The following XKR6 variants were observed in gnomAD, a reference collection of about 807,000 sequenced individuals.
XKR6 encodes the protein XK-related protein 6.
Under a neutral mutation model 56.7 loss-of-function variants are expected in XKR6, and 22 were observed. That is an observed-to-expected ratio of 0.39 (90% CI 0.28 to 0.55). The LOEUF (loss-of-function observed/expected upper bound fraction) is 0.55. Ranked by LOEUF, XKR6 falls within the 20% of genes least tolerant of loss-of-function variation. The pLI, the probability that XKR6 is intolerant of heterozygous loss-of-function variation, is 0.66. For missense variants in XKR6, 852 were observed against 889.0 expected, an observed-to-expected ratio of 0.96 and a Z score of 0.53; for synonymous variants, 524 against 387.8, an observed-to-expected ratio of 1.35 and a Z score of -4.13.
Position 11,200,534 on chromosome 8 carries a change from G to A in XKR6, c.764+42C>T, listed in dbSNP as rs771284719. Reference sequence around the variant, plus strand: ...CGAAGCACCGGGAGGGCGGAGGGGGGCTCCTCAGGGCCGGCCCGCCCCCAC... The same window carrying A: ...CGAAGCACCGGGAGGGCGGAGGGGGACTCCTCAGGGCCGGCCCGCCCCCAC... On this transcript the variant is annotated intron_variant, in intron 1 of 2. Coordinates refer to ENST00000416569, the MANE Select transcript of XKR6 (RefSeq NM_173683.4). This position sits in a 1 kb window ranked among gnomAD's most constrained non-coding sequence, Gnocchi z 6.4. 2 of 1,413,014 alleles carry A rather than the reference G, an allele frequency of 1.4e-6. No individual in the cohort carries two copies. Among genetic ancestry groups the A allele is most frequent in the Non-Finnish European group, 1.8e-6 (2 of 1,091,522 alleles). 87.5% of individuals were successfully genotyped at this position (1,413,014 alleles called of 1,614,324 possible). A position where few individuals can be genotyped will look rare whatever the true frequency, so the allele number is the denominator to read the frequency against.
At chr8:11,117,558 A>G (rs1167080859) in intron 1 of XKR6, among the ~76,000 whole-genome samples, 1 of 152,220 alleles carries the variant, frequency 6.6e-6, no homozygotes, top group African/African-American at 2.4e-5. Context: ...ACATCCAGAA[A>G]TGTCACATTT....
intron 1 of XKR6, among the ~76,000 whole-genome samples, chr8:10,990,754 A>ATT (rs146816016): frequency 1.3e-5 from 2 of 151,084 alleles, no homozygotes; most frequent in African/African-American, 4.9e-5. Flanking sequence ...TAATGTTTAA[A>ATT]TTTTTTTTTG....
At chr8:10,908,936 G>A (rs1800265245) in intron 2 of XKR6, among the ~76,000 whole-genome samples, 1 of 152,156 alleles carries the variant, frequency 6.6e-6, no homozygotes, top group South Asian at 2.1e-4. Context: ...AGGCCGAGGT[G>A]GGCAGATCAC....
At chr8:10,955,132 G>C (rs1162927655) in intron 1 of XKR6, among the ~76,000 whole-genome samples, 1 of 152,092 alleles carries the variant, frequency 6.6e-6, no homozygotes, top group Non-Finnish European at 1.5e-5. Flanking sequence ...GCCTCCCAAA[G>C]TGCTGGGATT....
intron 1 of XKR6, among the ~76,000 whole-genome samples, chr8:11,073,086 A>T (rs536220504): frequency 3.0e-4 from 45 of 152,060 alleles, no homozygotes; most frequent in Non-Finnish European, 5.0e-4. Context: ...ATGCTAAAGG[A>T]CCCTGTGATT....
intron 1 of XKR6, among the ~76,000 whole-genome samples, chr8:11,155,799 C>A (rs1801490191): frequency 6.6e-6 from 1 of 152,184 alleles, no homozygotes; most frequent in African/African-American, 2.4e-5. Context: ...AGTGATCTTA[C>A]TCGAAATGCA....
At chr8:11,188,155 C>A (rs925135609) in intron 1 of XKR6, among the ~76,000 whole-genome samples, 1 of 151,958 alleles carries the variant, frequency 6.6e-6, no homozygotes, top group Non-Finnish European at 1.5e-5. Context: ...AGTTGAAATG[C>A]CAAGCAATAA....
At chr8:11,076,229 G>A (rs1009087377) in intron 1 of XKR6, among the ~76,000 whole-genome samples, 20 of 152,196 alleles carry the variant, frequency 1.3e-4, no homozygotes, top group African/African-American at 4.8e-4. Flanking sequence ...AAAGGGGAAT[G>A]GGGAGGTGCT....
At chr8:11,032,742 G>A (rs1211985791) in intron 1 of XKR6, among the ~76,000 whole-genome samples, 1 of 152,138 alleles carries the variant, frequency 6.6e-6, no homozygotes, top group African/African-American at 2.4e-5. Context: ...TCCAGGGCAT[G>A]GTCAAACACC....
At chr8:10,951,523 G>A (rs780195968) in intron 1 of XKR6, among the ~76,000 whole-genome samples, 3 of 152,236 alleles carry the variant, frequency 2.0e-5, no homozygotes. Context: ...CTACCAGTCT[G>A]TTTCACACTG....
intron 2 of XKR6, among the ~76,000 whole-genome samples, chr8:10,901,346 G>C (rs1800031936): frequency 1.3e-5 from 2 of 152,088 alleles, no homozygotes; most frequent in Non-Finnish European, 2.9e-5. Flanking sequence ...ATGAGCCACT[G>C]TACCCAGCCT....
intron 1 of XKR6, among the ~76,000 whole-genome samples, chr8:11,031,611 C>G (rs571305486): frequency 6.6e-6 from 1 of 152,286 alleles, no homozygotes; most frequent in South Asian, 2.1e-4. Context: ...AAGGGGCTGT[C>G]CTCTTAGCTG....
intron 1 of XKR6, among the ~76,000 whole-genome samples, chr8:11,033,749 G>A (rs1208268538): frequency 6.6e-6 from 1 of 152,130 alleles, no homozygotes; most frequent in East Asian, 1.9e-4. Context: ...GAAAGCCTCT[G>A]GGTGTGTGTG....
At chr8:11,076,127 A>G (rs567160972) in intron 1 of XKR6, among the ~76,000 whole-genome samples, 30 of 152,338 alleles carry the variant, frequency 2.0e-4, no homozygotes, top group African/African-American at 7.0e-4. Context: ...TCACAAAATG[A>G]CAAATACTAT....
At chr8:11,184,078 G>C (rs1340618644) in intron 1 of XKR6, among the ~76,000 whole-genome samples, 1 of 152,116 alleles carries the variant, frequency 6.6e-6, no homozygotes. Context: ...AGATCAGCTA[G>C]ACAAAAAAAT....
intron 1 of XKR6, among the ~76,000 whole-genome samples, chr8:10,968,855 C>A (rs1237996862): frequency 6.6e-6 from 1 of 152,248 alleles, no homozygotes; most frequent in East Asian, 1.9e-4. Context: ...TGGGGAGCCA[C>A]CTGCCCGCTC....
intron 1 of XKR6, among the ~76,000 whole-genome samples, chr8:11,087,049 C>A (rs958513228): frequency 6.6e-6 from 1 of 152,096 alleles, no homozygotes; most frequent in Non-Finnish European, 1.5e-5. Context: ...TCAATTAACC[C>A]CGAACTCCCC....
intron 1 of XKR6, among the ~76,000 whole-genome samples, chr8:11,107,337 C>T (rs544626278): frequency 7.9e-5 from 12 of 152,132 alleles, no homozygotes; most frequent in Non-Finnish European, 1.3e-4. Context: ...ACAGCTGAGA[C>T]TACAAGTGCA....
intron 1 of XKR6, among the ~76,000 whole-genome samples, chr8:11,170,783 CAG>C (rs1802326910): frequency 6.6e-6 from 1 of 152,176 alleles, no homozygotes; most frequent in Admixed American, 6.5e-5. Flanking sequence ...AGCAAAATCT[CAG>C]GGGGCGCAAC....
Sources: gnomAD v4.1 joint callset for allele counts (sites outside exome capture counted in the v4.1 genomes callset) on GRCh38, gnomAD v4.1.1 for gene constraint, Gnocchi (gnomAD v3.1) non-coding constraint, MANE v1.5 for transcripts, NCBI Gene and HGNC (gene_info 2026-07-23, HGNC 2026-07-21) for gene names.